The following LHFPL2 variants were observed in gnomAD, a reference collection of about 807,000 sequenced individuals.
LHFPL2 encodes the protein LHFPL tetraspan subfamily member 2 protein.
LHFPL2 carries 7 observed loss-of-function variants against 17.5 expected under a neutral mutation model. That is an observed-to-expected ratio of 0.40 (90% CI 0.23 to 0.75). LHFPL2 has a LOEUF of 0.75. Among genes scored for constraint, LHFPL2 ranks in the 30% least tolerant of loss-of-function variants. The pLI is 0.37. For missense variants in LHFPL2, 241 were observed against 294.8 expected (o/e 0.82, Z 1.34); for synonymous variants, 134 against 116.2 (o/e 1.15, Z -0.99).
intron 1 of LHFPL2, among the ~76,000 whole-genome samples, chr5:78,643,570 C>CT (rs879413822): frequency 2.0e-4 from 30 of 148,032 alleles, no homozygotes; most frequent in African/African-American, 3.7e-4. Flanking sequence ...ACAGCCACAA[C>CT]TTTTTTTTTT....
rs186787631 is a variant in LHFPL2 at position 78,590,529 on chromosome 5, G to T, written c.-244-25658C>A. Among the ~76,000 whole-genome samples, 3 of 151,948 alleles carry T rather than the reference G, an allele frequency of 2.0e-5. No homozygotes were observed. In the East Asian group the frequency reaches 5.8e-4, roughly 29 times the overall value. On this transcript the variant is annotated intron_variant, in intron 2 of 4. Coordinates refer to ENST00000380345, the MANE Select transcript of LHFPL2 (RefSeq NM_005779.3). ...TTATTCAATTTTTTTTTCCAGTTTAGAACTGGGTCTTCCTCCTGAGAAGAA... is the reference window on the plus strand; with the variant it reads ...TTATTCAATTTTTTTTTCCAGTTTATAACTGGGTCTTCCTCCTGAGAAGAA...
chr5:78,601,991 G>A (rs1744035185), intron 2 of LHFPL2, among the ~76,000 whole-genome samples: 1 of 152,128 alleles, frequency 6.6e-6, no homozygotes, highest in Non-Finnish European at 1.5e-5. Context: ...TTAAAAAACT[G>A]TATTAATGTG....
intron 4 of LHFPL2, among the ~76,000 whole-genome samples, chr5:78,503,101 A>G (rs1754823630): frequency 6.6e-6 from 1 of 152,158 alleles, no homozygotes; most frequent in Non-Finnish European, 1.5e-5. Context: ...ACAGTTCTTC[A>G]TAGAAGATGC....
chr5:78,618,840 G>A (rs1294378197), intron 2 of LHFPL2, among the ~76,000 whole-genome samples: 1 of 152,160 alleles, frequency 6.6e-6, no homozygotes, highest in Non-Finnish European at 1.5e-5. Context: ...AAAAAGGCCT[G>A]CTTCGGGACT....
At chr5:78,623,455 T>C (rs1379824189) in intron 2 of LHFPL2, among the ~76,000 whole-genome samples, 1 of 152,220 alleles carries the variant, frequency 6.6e-6, no homozygotes, top group Non-Finnish European at 1.5e-5. Flanking sequence ...CCCCATAGAT[T>C]GCTTTAAAAA....
rs372633901 is a variant in LHFPL2, at chr5:78,552,384, C to G, written c.-186+12429G>C. ...TCCTGACCTCGTGATCCACCTGCCT[C>G]GGCCTCCCAAAGTGCTGGGATTGCA... On this transcript the variant is annotated intron_variant, in intron 3 of 4. Transcript: ENST00000380345. Among the ~76,000 whole-genome samples, 3 of 152,316 alleles carry G rather than the reference C, an allele frequency of 2.0e-5. No homozygotes were observed. The East Asian group carries it at 5.8e-4, about 29-fold the overall frequency.
Position 78,509,944 on chromosome 5 carries a change from G to A in LHFPL2, c.270C>T (p.Gly90=), listed in dbSNP as rs1755053792. The A allele has an allele frequency of 1.2e-6, 2 of 1,613,742 alleles. No individual in the cohort carries two copies. Residue 90 remains glycine, a synonymous_variant, in exon 4 of 5, where the codon GGC becomes GGT. Transcript: ENST00000380345. The part of the protein sequence containing the change: ...TLCGPYAESF[G]EIASGFWQAT... ...CCTGCCAGAAGCCGCTGGCGATCTC[G>A]CCGAAGCTCTCGGCGTAGGGCCCGC...
chr5:78,619,374 G>A (rs768833083), intron 2 of LHFPL2, among the ~76,000 whole-genome samples: 2 of 151,978 alleles, frequency 1.3e-5, no homozygotes, highest in Non-Finnish European at 2.9e-5. Context: ...ATTTCTAGAA[G>A]ATATTTCAAT....
intron 3 of LHFPL2, among the ~76,000 whole-genome samples, chr5:78,517,577 C>A (rs190922769): frequency 1.3e-5 from 2 of 152,292 alleles, no homozygotes; most frequent in East Asian, 3.9e-4. Context: ...GAATGAGGAG[C>A]AAAGGTACAC....
intron 2 of LHFPL2, among the ~76,000 whole-genome samples, chr5:78,573,284 A>G (rs778112388): frequency 6.6e-5 from 10 of 152,236 alleles, no homozygotes; most frequent in African/African-American, 9.6e-5. Context: ...GCACAGACTA[A>G]AAAGTAGTGA....
chr5:78,556,795 A>G (rs1756582308), intron 3 of LHFPL2, among the ~76,000 whole-genome samples: 1 of 152,222 alleles, frequency 6.6e-6, no homozygotes, highest in African/African-American at 2.4e-5. Context: ...TTATGTAAAG[A>G]AAAGAATGTA....
At chr5:78,603,744 T>C (rs1018084246) in intron 2 of LHFPL2, among the ~76,000 whole-genome samples, 1 of 152,162 alleles carries the variant, frequency 6.6e-6, no homozygotes, top group Non-Finnish European at 1.5e-5. Flanking sequence ...AAAAAAATTT[T>C]TAAAAAAACA....
At chr5:78,523,520 A>G (rs1165216149) in intron 3 of LHFPL2, among the ~76,000 whole-genome samples, 1 of 152,108 alleles carries the variant, frequency 6.6e-6, no homozygotes, top group African/African-American at 2.4e-5. Context: ...GAAATCTGCC[A>G]AAGAGACAGA....
At chr5:78,640,394 T>C (rs766086309) in intron 1 of LHFPL2, among the ~76,000 whole-genome samples, 7 of 152,214 alleles carry the variant, frequency 4.6e-5, no homozygotes, top group Non-Finnish European at 8.8e-5. Flanking sequence ...CCATTCTGGA[T>C]TTGGGTTGCA....
intron 2 of LHFPL2, among the ~76,000 whole-genome samples, chr5:78,617,275 C>A (rs1048336751): frequency 6.6e-6 from 1 of 152,118 alleles, no homozygotes; most frequent in African/African-American, 2.4e-5. Flanking sequence ...GGTGATCCAC[C>A]CACCTCGGAC....
intron 2 of LHFPL2, among the ~76,000 whole-genome samples, chr5:78,579,014 T>C (rs1757210386): frequency 6.6e-6 from 1 of 152,162 alleles, no homozygotes; most frequent in Non-Finnish European, 1.5e-5. Context: ...GGTAGGCCCT[T>C]CTGGGGAGGT....
intron 3 of LHFPL2, among the ~76,000 whole-genome samples, chr5:78,547,133 T>C (rs1487426544): frequency 6.6e-6 from 1 of 152,174 alleles, no homozygotes; most frequent in African/African-American, 2.4e-5. Flanking sequence ...AGAAGGGCGC[T>C]GATCTAAACC....
At chr5:78,520,741 G>A (rs1381728478) in intron 3 of LHFPL2, among the ~76,000 whole-genome samples, 1 of 152,218 alleles carries the variant, frequency 6.6e-6, no homozygotes, top group East Asian at 1.9e-4. Flanking sequence ...TGGGGTGGGA[G>A]AACCTAACTC....
At position 78,489,066 on chromosome 5, in the gene LHFPL2, G is replaced by A; in HGVS notation, c.518C>T (p.Ala173Val). 1 of 1,614,236 alleles carries A rather than the reference G, an allele frequency of 6.2e-7. No individual in the cohort carries two copies. The highest frequency in any genetic ancestry group is 8.5e-7 in the Non-Finnish European group (1 of 1,180,036). The change falls in exon 5 of 5, where the codon GCC becomes GTC. Residue 173 changes from alanine (A) to valine (V), a missense_variant. By Grantham distance (64) the Ala-to-Val change is moderately conservative (BLOSUM62 0). Coordinates refer to ENST00000380345, the MANE Select transcript of LHFPL2 (RefSeq NM_005779.3). ...CAAGGAGCAGTCTCCAGGTTTGTAG[G>A]CAGATGCATAATGTCCACAGTAGTC... ...AIDYCGHYAS[A>V]YKPGDCSLGW...
Sources: gnomAD v4.1 joint callset for allele counts (sites outside exome capture counted in the v4.1 genomes callset) on GRCh38, gnomAD v4.1.1 for gene constraint, MANE v1.5 for transcripts, NCBI Gene and HGNC (gene_info 2026-07-23, HGNC 2026-07-21) for gene names.